The following SERPINB5 variants were observed in gnomAD, a reference collection of about 807,000 sequenced individuals.
SERPINB5 encodes the protein serpin family B member 5.
SERPINB5 carries 27 observed loss-of-function variants against 32.2 expected under a neutral mutation model. The observed-to-expected ratio is 0.84, with a 90% confidence interval of 0.62 to 1.16. The LOEUF (loss-of-function observed/expected upper bound fraction) is 1.16, where lower values mean the gene tolerates loss of function less well. Among genes scored for constraint, SERPINB5 ranks in the 50% most tolerant of loss-of-function variants. The pLI is 0.00. For synonymous variants in SERPINB5, 154 were observed against 157.4 expected (o/e 0.98, Z 0.16); for missense variants, 388 against 436.3 (o/e 0.89, Z 0.99).
rs1030803772 is a variant in SERPINB5, at chr18:63,499,134, A to T, written c.582A>T (p.Pro194=). Residue 194 remains proline (P), a synonymous_variant, in exon 6 of 7, where the codon CCA becomes CCT. Coordinates refer to ENST00000382771, the MANE Select transcript of SERPINB5 (RefSeq NM_002639.5). ...CCCTTTTACAGACAGACACCAAACC[A>T]GTGCAGATGATGAACATGGAGGCCA... ...PFRVNKTDTK[P]VQMMNMEATF... is the part of the protein sequence containing the mutation. 6 of 1,554,626 alleles carry T rather than the reference A, an allele frequency of 3.9e-6. No homozygotes were observed. The African/African-American group carries it at 6.8e-5, about 18-fold the overall frequency.
At chr18:63,490,650 C>A (rs932581449) in intron 4 of SERPINB5, 7 of 152,196 alleles carry the variant, frequency 4.6e-5, no homozygotes, top group African/African-American at 1.7e-4. Flanking sequence ...GAAGTTCTAA[C>A]AGGACAGTAA....
rs138689781 is a variant in SERPINB5, at chr18:63,503,557, A to G, written c.963A>G (p.Lys321=). The G allele has an allele frequency of 1.9e-3, 3,005 of 1,614,234 alleles. 6 individuals carry two copies. The highest frequency in any genetic ancestry group is 2.4e-3 in the Non-Finnish European group (2,817 of 1,180,036). The change falls in exon 7 of 7, where the codon AAA becomes AAG. Residue 321 remains lysine (K), a synonymous_variant. Coordinates refer to ENST00000382771, the MANE Select transcript of SERPINB5 (RefSeq NM_002639.5). ...TGGCCCTATCAAATGTTATCCACAA[A>G]GTGTGCTTAGAAATAACTGAAGATG... ...KGVALSNVIH[K]VCLEITEDGG...
intron 3 of SERPINB5, among the ~76,000 whole-genome samples, chr18:63,487,838 C>G (rs114956390): frequency 1.3e-5 from 2 of 152,080 alleles, no homozygotes; most frequent in Non-Finnish European, 2.9e-5. Flanking sequence ...GTTTCCAAAT[C>G]GAAAAGCTAG....
intron 5 of SERPINB5, among the ~76,000 whole-genome samples, chr18:63,495,790 T>C (rs1909434496): frequency 6.6e-6 from 1 of 152,256 alleles, no homozygotes; most frequent in Non-Finnish European, 1.5e-5. Context: ...TGAAATGTCA[T>C]TGATCTCTCA....
chr18:63,489,194 C>T (rs986938767), intron 3 of SERPINB5, among the ~76,000 whole-genome samples, 153 bp from the exon 4 acceptor site: 2 of 152,168 alleles, frequency 1.3e-5, no homozygotes, highest in Non-Finnish European at 2.9e-5. Context: ...AAGAAATTCA[C>T]TGACTTCTAC....
intron 1 of SERPINB5, 74 bp from the exon 2 acceptor site, chr18:63,484,348 G>C (rs2144495108): frequency 2.3e-6 from 3 of 1,329,206 alleles, no homozygotes; most frequent in East Asian, 2.4e-5. Context: ...AATTCTTATA[G>C]TGTTGGCAGA....
intron 4 of SERPINB5, among the ~76,000 whole-genome samples, chr18:63,492,173 C>T (rs1338814467): frequency 6.6e-6 from 1 of 152,120 alleles, no homozygotes; most frequent in Non-Finnish European, 1.5e-5. Context: ...GGGATCACTC[C>T]CCTTGAATTG....
At chr18:63,500,231 CTT>C (rs58217010) in intron 6 of SERPINB5, among the ~76,000 whole-genome samples, 1 of 139,936 alleles carries the variant, frequency 7.1e-6, no homozygotes, top group Admixed American at 7.2e-5. Flanking sequence ...CTATGCCTGG[CTT>C]TTTTTTTTTT....
At chr18:63,478,058 A>G (rs1917064603) in intron 1 of SERPINB5, among the ~76,000 whole-genome samples, 1 of 152,208 alleles carries the variant, frequency 6.6e-6, no homozygotes, top group Non-Finnish European at 1.5e-5. Context: ...TCCAAACCTC[A>G]GTCCCTGTCA....
chr18:63,477,461 GA>G (rs1917053926), intron 1 of SERPINB5, among the ~76,000 whole-genome samples: 1 of 152,178 alleles, frequency 6.6e-6, no homozygotes, highest in Non-Finnish European at 1.5e-5. Context: ...GCAAACTGGG[GA>G]AAGTTGAGAA....
rs149323874 is a variant in SERPINB5, at chr18:63,498,502, A to C, written c.568-618A>C. On this transcript the variant is annotated intron_variant, in intron 5 of 6. Coordinates refer to ENST00000382771, the MANE Select transcript of SERPINB5 (RefSeq NM_002639.5). This position sits in a 1 kb window ranked among gnomAD's most constrained non-coding sequence, Gnocchi z 4.2. ...AAGATCTCATAGGCATCTGTAAAGA[A>C]TAACAAACGTTGCCTATATTTACAG... Among the ~76,000 whole-genome samples the C allele has an allele frequency of 6.6e-6, 1 of 152,368 alleles. No individual in the cohort carries two copies. The highest frequency in any genetic ancestry group is 1.9e-4 in the East Asian group (1 of 5,192).
At chr18:63,483,588 G>T (rs1320793879) in intron 1 of SERPINB5, among the ~76,000 whole-genome samples, 1 of 152,226 alleles carries the variant, frequency 6.6e-6, no homozygotes, top group Admixed American at 6.5e-5. Context: ...GTCTCAAAAG[G>T]CTCCAGGGGA....
chr18:63,500,902 G>T (rs201114036), intron 6 of SERPINB5, among the ~76,000 whole-genome samples: 2 of 140,102 alleles, frequency 1.4e-5, no homozygotes, highest in Non-Finnish European at 3.0e-5. Context: ...TACTCTCTCT[G>T]TTTTTTTTCT....
At chr18:63,477,074 G>T (rs1282310053) in intron 1 of SERPINB5, 29 bp downstream of exon 1, 1 of 152,268 alleles carries the variant, frequency 6.6e-6, no homozygotes, top group Admixed American at 6.5e-5. Context: ...CAGGGCTGGT[G>T]ACTTCCTTTT....
Position 63,498,799 on chromosome 18 carries a change from ATATATGTGCATGTGTG to A in SERPINB5, c.568-315_568-300del, listed in dbSNP as rs1358100603. The stretch of plus-strand genomic sequence containing the variant: ...TTTATGTGTTTGCCTATATATGTGT[ATATATGTGCATGTGTG>A]TATATATGTATGGGGTATATATATA... On this transcript the variant is annotated intron_variant, in intron 5 of 6. Coordinates refer to ENST00000382771, the MANE Select transcript of SERPINB5 (RefSeq NM_002639.5). This position sits in a 1 kb window ranked among gnomAD's most constrained non-coding sequence, Gnocchi z 4.2. 6.6e-6 allele frequency among the ~76,000 whole-genome samples: 1 copy of A among 151,112 alleles called. No homozygotes were observed. Among genetic ancestry groups the A allele is most frequent in the Admixed American group, 6.6e-5 (1 of 15,116 alleles).
chr18:63,497,911 A>G (rs909040884), intron 5 of SERPINB5, among the ~76,000 whole-genome samples: 3 of 152,190 alleles, frequency 2.0e-5, no homozygotes, highest in Non-Finnish European at 2.9e-5. Context: ...GAATCTGTTT[A>G]TGTCACATTT....
At chr18:63,478,317 T>C (rs966811988) in intron 1 of SERPINB5, among the ~76,000 whole-genome samples, 5 of 152,136 alleles carry the variant, frequency 3.3e-5, no homozygotes, top group African/African-American at 2.4e-5. Flanking sequence ...GGGTCAGTGG[T>C]CAAGATCAGG....
At chr18:63,487,105 GC>G in intron 3 of SERPINB5, 22 bp downstream of exon 3, 1 of 1,608,630 alleles carries the variant, frequency 6.2e-7, no homozygotes, top group Non-Finnish European at 8.5e-7. Flanking sequence ...AAAGCAAGTA[GC>G]AAGACTTAAC....
chr18:63,492,229 G>T, intron 4 of SERPINB5, among the ~76,000 whole-genome samples: 1 of 152,196 alleles, frequency 6.6e-6, no homozygotes, highest in Admixed American at 6.5e-5. Flanking sequence ...AATTGTGATT[G>T]AGCCCTATGG....
Sources: allele counts gnomAD v4.1 joint callset (sites outside exome capture counted in the v4.1 genomes callset), GRCh38; gene constraint gnomAD v4.1.1; non-coding constraint Gnocchi (gnomAD v3.1); transcripts MANE v1.5; gene names NCBI Gene and HGNC (gene_info 2026-07-23, HGNC 2026-07-21).